The following ARHGEF3 variants were observed in gnomAD, a reference collection of about 807,000 sequenced individuals.
ARHGEF3 encodes Rho guanine nucleotide exchange factor 3.
Under a neutral mutation model 63.2 loss-of-function variants are expected in ARHGEF3, and 28 were observed. The ratio of observed to expected loss-of-function variants is 0.44; its 90% CI spans 0.33 to 0.61. The LOEUF (loss-of-function observed/expected upper bound fraction) is 0.61, where lower values mean the gene tolerates loss of function less well. Among genes scored for constraint, ARHGEF3 ranks in the 20% least tolerant of loss-of-function variants. ARHGEF3 has a pLI of 0.03. For synonymous variants in ARHGEF3, 266 were observed against 254.2 expected (o/e 1.05, Z -0.44); for missense variants, 533 against 659.3 (o/e 0.81, Z 2.10).
At chr3:56,755,185 C>CA (rs1559908379) in intron 2 of ARHGEF3, 34 bp from the exon 3 acceptor site, 1 of 1,605,666 alleles carries the variant, frequency 6.2e-7, no homozygotes, top group South Asian at 1.1e-5. Context: ...ATCACGGGGG[C>CA]AGCGGCAGGA....
intron 2 of ARHGEF3, among the ~76,000 whole-genome samples, chr3:57,019,803 G>A (rs1703176658): frequency 6.6e-6 from 1 of 152,196 alleles, no homozygotes; most frequent in African/African-American, 2.4e-5. Context: ...GAGAGGCTGG[G>A]GGTAAGGGTG....
intron 4 of ARHGEF3, among the ~76,000 whole-genome samples, chr3:56,814,047 G>A (rs2038171375): frequency 6.6e-6 from 1 of 152,172 alleles, no homozygotes; most frequent in African/African-American, 2.4e-5. Context: ...TAATATGGAA[G>A]GTTAAATTAT....
intron 1 of ARHGEF3, among the ~76,000 whole-genome samples, chr3:57,078,139 C>T (rs997734504): frequency 1.3e-5 from 2 of 152,184 alleles, no homozygotes; most frequent in Admixed American, 6.5e-5. Flanking sequence ...CTGTTATCAT[C>T]CCCACTTTAC....
At chr3:56,918,250 G>A (rs1024539118) in intron 3 of ARHGEF3, among the ~76,000 whole-genome samples, 2 of 152,324 alleles carry the variant, frequency 1.3e-5, no homozygotes, top group Admixed American at 1.3e-4. Context: ...CTCTCTTGGA[G>A]TATTTTCTGA....
At chr3:56,963,632 G>A (rs532895778) in intron 2 of ARHGEF3, among the ~76,000 whole-genome samples, 42 of 152,100 alleles carry the variant, frequency 2.8e-4, no homozygotes, top group Middle Eastern at 3.4e-3. Context: ...GTCTTTTCTC[G>A]TTTTACCTCT....
chr3:56,915,245 T>C (rs1404120010), intron 3 of ARHGEF3, among the ~76,000 whole-genome samples: 1 of 152,018 alleles, frequency 6.6e-6, no homozygotes, highest in East Asian at 1.9e-4. Flanking sequence ...GGAGGATTGC[T>C]TGAGCTCAGA....
chr3:56,759,391 G>C (rs1483709090), intron 2 of ARHGEF3, among the ~76,000 whole-genome samples: 1 of 152,064 alleles, frequency 6.6e-6, no homozygotes, highest in Non-Finnish European at 1.5e-5. Flanking sequence ...TGTTGGTCTC[G>C]ATCTCCTGAC....
intron 9 of ARHGEF3, among the ~76,000 whole-genome samples, chr3:56,730,131 G>A (rs192981568): frequency 3.9e-5 from 6 of 152,218 alleles, no homozygotes; most frequent in Admixed American, 2.0e-4. Context: ...TCTAAAAGTC[G>A]TTTCATAATC....
chr3:56,808,263 A>C (rs529352308), intron 4 of ARHGEF3, among the ~76,000 whole-genome samples: 1 of 151,668 alleles, frequency 6.6e-6, no homozygotes, highest in African/African-American at 2.4e-5. Context: ...CCTGTGGATT[A>C]TCAGCTATAA....
chr3:57,006,323 G>A (rs1579072181), intron 2 of ARHGEF3, among the ~76,000 whole-genome samples: 2 of 152,276 alleles, frequency 1.3e-5, no homozygotes, highest in African/African-American at 2.4e-5. Flanking sequence ...GAGGTATCTG[G>A]AGAACCACTA....
chr3:56,835,620 C>G lies in ARHGEF3; in HGVS notation c.192+46672G>C, dbSNP rs1578637958. ...TATGATTTAATTGTTTAATTAATTG[C>G]TATCTCCACTTCCAAAGGTCTAAGC... On this transcript the variant is annotated intron_variant, in intron 4 of 12. Transcript: ENST00000338458. Among the ~76,000 whole-genome samples, 3 of 152,284 alleles carry G rather than the reference C, an allele frequency of 2.0e-5. No individual in the cohort carries two copies. In the South Asian group the frequency reaches 6.2e-4, roughly 32 times the overall value.
chr3:56,990,394 G>T (rs1313203330), intron 2 of ARHGEF3, among the ~76,000 whole-genome samples: 1 of 152,212 alleles, frequency 6.6e-6, no homozygotes, highest in Admixed American at 6.5e-5. Flanking sequence ...GACCAGCCTG[G>T]CCAATATGGT....
chr3:56,898,883 C>A (rs1235159256), intron 3 of ARHGEF3, among the ~76,000 whole-genome samples: 1 of 152,046 alleles, frequency 6.6e-6, no homozygotes, highest in East Asian at 1.9e-4. Flanking sequence ...GGTGAAACCC[C>A]GTCTCTACTA....
intron 3 of ARHGEF3, among the ~76,000 whole-genome samples, chr3:56,923,350 AT>A (rs986222818): frequency 2.0e-5 from 3 of 151,228 alleles, no homozygotes; most frequent in Admixed American, 6.6e-5. Flanking sequence ...GTAATAATTT[AT>A]TTTTTTTCAA....
At chr3:56,818,118 T>C (rs2038337770) in intron 4 of ARHGEF3, among the ~76,000 whole-genome samples, 1 of 152,204 alleles carries the variant, frequency 6.6e-6, no homozygotes, top group South Asian at 2.1e-4. Flanking sequence ...AAAGACATAA[T>C]GAGCTAACCC....
At chr3:56,921,123 G>C (rs1028098744) in intron 3 of ARHGEF3, among the ~76,000 whole-genome samples, 1 of 149,786 alleles carries the variant, frequency 6.7e-6, no homozygotes, top group African/African-American at 2.5e-5. Flanking sequence ...CCAGTGGTTA[G>C]GGAGGCAGAG....
chr3:56,911,404 G>A (rs1205302423), intron 3 of ARHGEF3, among the ~76,000 whole-genome samples: 1 of 152,148 alleles, frequency 6.6e-6, no homozygotes, highest in Non-Finnish European at 1.5e-5. Context: ...TGGCACACAG[G>A]AGCTGCTTCC....
At chr3:57,057,683 C>A (rs1705004358) in intron 1 of ARHGEF3, among the ~76,000 whole-genome samples, 1 of 152,092 alleles carries the variant, frequency 6.6e-6, no homozygotes, top group Admixed American at 6.6e-5. Flanking sequence ...ATATAATGTA[C>A]CCTCTGTGCC....
At chr3:56,738,177 G>A (rs1174909911) in intron 7 of ARHGEF3, among the ~76,000 whole-genome samples, 4 of 152,166 alleles carry the variant, frequency 2.6e-5, no homozygotes, top group African/African-American at 9.7e-5. Context: ...CTGAGTAGCT[G>A]GGACTACAGG....
Sources: gnomAD v4.1 joint callset for allele counts (sites outside exome capture counted in the v4.1 genomes callset) on GRCh38, gnomAD v4.1.1 for gene constraint, MANE v1.5 for transcripts, NCBI Gene and HGNC (gene_info 2026-07-23, HGNC 2026-07-21) for gene names.